SPAG17: variants seen among roughly 807,000 people sequenced by gnomAD.
SPAG17 encodes the protein sperm-associated antigen 17.
Under a neutral mutation model 273.6 loss-of-function variants are expected in SPAG17, and 169 were observed. The observed-to-expected ratio is 0.62, with a 90% CI of 0.55 to 0.70. The LOEUF is 0.70. SPAG17 is among the 30% of genes least tolerant of loss of function. The pLI is 0.00. For synonymous variants in SPAG17, 825 were observed against 873.2 expected (o/e 0.94, Z 0.97); for missense variants, 2,557 against 2,627.8 (o/e 0.97, Z 0.59).
chr1:118,131,854 C>G (rs1271473593), intron 3 of SPAG17, among the ~76,000 whole-genome samples: 1 of 152,176 alleles, frequency 6.6e-6, no homozygotes, highest in Non-Finnish European at 1.5e-5. Context: ...GTGATGTCCT[C>G]TTTTCATGAA....
intron 42 of SPAG17, among the ~76,000 whole-genome samples, chr1:117,983,434 A>G (rs1185248902): frequency 4.6e-5 from 7 of 152,214 alleles, no homozygotes; most frequent in Admixed American, 4.6e-4. Flanking sequence ...TAGGAGTTTG[A>G]TGACTTAGTT....
At chr1:117,954,162 T>C (rs556787707) in intron 48 of SPAG17, 113 bp from the exon 49 acceptor site, 24 of 1,400,604 alleles carry the variant, frequency 1.7e-5, no homozygotes, top group Non-Finnish European at 2.4e-5. Flanking sequence ...GAAAAACCAT[T>C]GTTTTGGGAT....
At chr1:118,007,923 A>G (rs1480515435) in intron 31 of SPAG17, 121 bp downstream of exon 31, 8 of 969,338 alleles carry the variant, frequency 8.3e-6, no homozygotes, top group Non-Finnish European at 1.3e-5. Context: ...TGTTAGTATT[A>G]TAAGAGAATG....
chr1:118,038,359 T>C (rs1022704794), intron 23 of SPAG17, among the ~76,000 whole-genome samples: 3 of 152,184 alleles, frequency 2.0e-5, no homozygotes, highest in Admixed American at 6.5e-5. Context: ...GAAGACGATT[T>C]GGTGGATTCT....
chr1:118,166,447 G>T (rs1420675398), intron 1 of SPAG17, among the ~76,000 whole-genome samples: 2 of 152,152 alleles, frequency 1.3e-5, no homozygotes, highest in Non-Finnish European at 2.9e-5. Context: ...TAACAGTGGG[G>T]ATCCCTGGAA....
chr1:118,073,501 T>C (rs1243418387), intron 17 of SPAG17, among the ~76,000 whole-genome samples: 2 of 152,164 alleles, frequency 1.3e-5, no homozygotes, highest in East Asian at 3.9e-4. Flanking sequence ...TTGAGTAGAA[T>C]GGATAAACAA....
intron 47 of SPAG17, 88 bp downstream of exon 47, chr1:117,966,516 ATAAAG>A (rs1209910938): frequency 3.5e-5 from 41 of 1,183,104 alleles, no homozygotes; most frequent in African/African-American, 3.2e-4. Flanking sequence ...GATAGAATTA[ATAAAG>A]TAGAGATGCA....
chr1:118,015,182 G>A (rs1355415773), intron 29 of SPAG17, among the ~76,000 whole-genome samples: 2 of 151,880 alleles, frequency 1.3e-5, no homozygotes, highest in East Asian at 1.9e-4. Flanking sequence ...CTACATGGGA[G>A]GCTGAGGCAG....
intron 42 of SPAG17, 137 bp downstream of exon 42, chr1:117,983,674 A>T (rs1395791221): frequency 2.2e-6 from 1 of 448,566 alleles, no homozygotes; most frequent in Non-Finnish European, 3.9e-6. Context: ...TTCTCATATA[A>T]CTCAGCCAGA....
chr1:118,178,346 T>C (rs1302658070), intron 1 of SPAG17, among the ~76,000 whole-genome samples: 3 of 152,136 alleles, frequency 2.0e-5, no homozygotes, highest in East Asian at 3.9e-4. Flanking sequence ...ACAAAACATA[T>C]ATGATCATTT....
chr1:117,996,716 T>C lies in SPAG17; in HGVS notation c.4804A>G (p.Ile1602Val), dbSNP rs1251374347. The change falls in exon 33 of 49, where the codon ATA becomes GTA. Residue 1602 changes from isoleucine to valine, a missense_variant. Ile to Val is a conservative substitution (Grantham distance 29, BLOSUM62 3). Coordinates refer to ENST00000336338, the MANE Select transcript of SPAG17 (RefSeq NM_206996.4). ...TCTTCCAATTTTTTTTCAGGTAATA[T>C]AGTTGATATGCTACCATCAGCCATG... ...QVMADGSISTILPEKKLEDDL... is the reference protein window; with the variant it reads ...QVMADGSISTVLPEKKLEDDL... The C allele has an allele frequency of 6.2e-7, 1 of 1,611,940 alleles. No individual in the cohort carries two copies. Among genetic ancestry groups the C allele is most frequent in the Non-Finnish European group, 8.5e-7 (1 of 1,179,036 alleles).
intron 48 of SPAG17, chr1:117,962,794 C>G (rs1054477073): frequency 6.6e-6 from 1 of 152,190 alleles, no homozygotes; most frequent in Non-Finnish European, 1.5e-5. Flanking sequence ...CCCAGGAAAG[C>G]AATGGTATCT....
intron 42 of SPAG17, among the ~76,000 whole-genome samples, chr1:117,983,337 G>A (rs1254611033): frequency 6.6e-6 from 1 of 152,084 alleles, no homozygotes; most frequent in East Asian, 1.9e-4. Context: ...ATTTGGGTGG[G>A]GACAAAACCA....
intron 30 of SPAG17, 42 bp downstream of exon 30, chr1:118,012,186 G>T: frequency 6.3e-7 from 1 of 1,578,046 alleles, no homozygotes; most frequent in South Asian, 1.1e-5. Flanking sequence ...TTACGCTAAA[G>T]AGTTATAAAA....
rs201394490 is a variant in SPAG17, at chr1:117,988,162, G to A, written c.5564C>T (p.Thr1855Met). The A allele has an allele frequency of 6.3e-5, 101 of 1,607,068 alleles. No homozygotes were observed. The highest frequency in any genetic ancestry group is 2.1e-4 in the Admixed American group (12 of 58,146). ...LTDLFKQSLA[T>M]PPKCPPDTFG... The stretch of plus-strand genomic sequence containing the variant: ...TGTGTCTGGTGGGCATTTTGGAGGC[G>A]TAGCCAAAGACTGCTTGAATAAATC... The change falls in exon 39 of 49, where the codon ACG becomes ATG. Residue 1855 changes from threonine to methionine, a missense_variant. Transcript: ENST00000336338.
intron 20 of SPAG17, among the ~76,000 whole-genome samples, chr1:118,049,282 C>T (rs753379512): frequency 1.3e-5 from 2 of 152,162 alleles, no homozygotes; most frequent in African/African-American, 4.8e-5. Flanking sequence ...AATAAAATGA[C>T]AGGCCGTTGT....
chr1:118,124,548 TTTGA>T (rs1657597540), intron 3 of SPAG17, among the ~76,000 whole-genome samples: 1 of 152,204 alleles, frequency 6.6e-6, no homozygotes, highest in South Asian at 2.1e-4. Flanking sequence ...GGTAAATGTT[TTTGA>T]TTGTTTATAG....
intron 38 of SPAG17, 33 bp downstream of exon 38, chr1:117,990,828 A>G: frequency 2.1e-6 from 3 of 1,447,008 alleles, no homozygotes; most frequent in Non-Finnish European, 2.9e-6. Flanking sequence ...AAACTTGTAA[A>G]TATACTGCAG....
At chr1:118,004,151 C>T (rs1214735742) in intron 32 of SPAG17, among the ~76,000 whole-genome samples, 1 of 152,186 alleles carries the variant, frequency 6.6e-6, no homozygotes. Context: ...TATTGCAGAA[C>T]TGCAAATATT....
Sources: allele counts gnomAD v4.1 joint callset (sites outside exome capture counted in the v4.1 genomes callset), GRCh38; gene constraint gnomAD v4.1.1; transcripts MANE v1.5; gene names NCBI Gene and HGNC (gene_info 2026-07-23, HGNC 2026-07-21).